INSL6: variants seen among roughly 807,000 people sequenced by gnomAD.
The protein encoded by INSL6 is insulin-like peptide INSL6.
INSL6 carries 16 observed loss-of-function variants against 9.4 expected under a neutral mutation model. The ratio of observed to expected loss-of-function variants is 1.70; its 90% confidence interval spans 1.15 to 2.59. The LOEUF (loss-of-function observed/expected upper bound fraction) is 2.59. INSL6 is among the 30% of genes most tolerant of loss of function. INSL6 has a pLI of 0.00. For synonymous variants in INSL6, 154 were observed against 96.9 expected, an observed-to-expected ratio of 1.59 and a Z score of -3.46; for missense variants, 391 against 257.3, an observed-to-expected ratio of 1.52 and a Z score of -3.56.
At chr9:5,090,988 C>A in the INSL6 span, 1 of 1,083,888 alleles carries the variant, frequency 9.2e-7, no homozygotes, top group Non-Finnish European at 1.3e-6. Context: ...TAATAGTTTG[C>A]CATTTCTATA....
chr9:5,162,298 T>G (rs1249166473), downstream of INSL6, among the ~76,000 whole-genome samples: 1 of 152,160 alleles, frequency 6.6e-6, no homozygotes, highest in Non-Finnish European at 1.5e-5. Flanking sequence ...ACCACATCAT[T>G]AGTGCAATTT....
At chr9:5,127,130 A>G (rs1824049881) in intron 3 of INSL6, 4 of 268,402 alleles carry the variant, frequency 1.5e-5, no homozygotes, top group African/African-American at 4.4e-5. Flanking sequence ...AAATTTTGCA[A>G]TGTTAAAGAT....
downstream of INSL6, among the ~76,000 whole-genome samples, chr9:5,159,843 A>C (rs926963628): frequency 2.0e-5 from 3 of 152,178 alleles, no homozygotes; most frequent in Admixed American, 2.0e-4. Context: ...TACAGAATAC[A>C]TTTCTCTCCT....
At chr9:5,024,450 C>T in the INSL6 span, among the ~76,000 whole-genome samples, 416 of 152,134 alleles carry the variant, frequency 2.7e-3, 1 homozygote, top group Admixed American at 4.8e-3. Context: ...TTACCCAGTC[C>T]ATTTACAACT....
the INSL6 span, chr9:5,108,784 C>G: frequency 6.6e-6 from 1 of 152,124 alleles, no homozygotes; most frequent in Non-Finnish European, 1.5e-5. Context: ...ATTGCCTACT[C>G]CTCTGTAAGC....
the INSL6 span, chr9:5,050,763 A>C: frequency 1.2e-6 from 2 of 1,613,084 alleles, no homozygotes; most frequent in Non-Finnish European, 1.7e-6. Flanking sequence ...TTGGGATGGC[A>C]GTGTTAGATA....
the INSL6 span, chr9:5,111,522 C>T: frequency 8.1e-6 from 3 of 368,100 alleles, no homozygotes; most frequent in Non-Finnish European, 1.6e-5. Context: ...TCCGCCAAGA[C>T]GCCCAGCAGC....
At chr9:4,995,753 C>G in the INSL6 span, among the ~76,000 whole-genome samples, 1 of 152,126 alleles carries the variant, frequency 6.6e-6, no homozygotes, top group African/African-American at 2.4e-5. Flanking sequence ...AGAAGCAGAT[C>G]TTTTTGCCAA....
the INSL6 span, chr9:5,099,216 A>G: frequency 6.6e-6 from 1 of 152,214 alleles, no homozygotes; most frequent in Admixed American, 6.5e-5. Flanking sequence ...CTGGGCGACC[A>G]GGTCTTTACT....
chr9:5,038,997 G>A, the INSL6 span, among the ~76,000 whole-genome samples: 2 of 152,124 alleles, frequency 1.3e-5, no homozygotes, highest in African/African-American at 4.8e-5. Flanking sequence ...GGAATGGCAA[G>A]GAACTTCCTC....
At chr9:5,014,185 G>A in the INSL6 span, among the ~76,000 whole-genome samples, 5 of 97,566 alleles carry the variant, frequency 5.1e-5, no homozygotes, top group South Asian at 3.1e-4. Context: ...TTTTTTTTTC[G>A]TAGAGACAGG....
At chr9:5,076,951 A>G in the INSL6 span, among the ~76,000 whole-genome samples, 1 of 151,916 alleles carries the variant, frequency 6.6e-6, no homozygotes, top group Non-Finnish European at 1.5e-5. Flanking sequence ...TTTTTAAAAA[A>G]GTTTTAAAGA....
the INSL6 span, chr9:5,112,036 T>C: frequency 7.4e-6 from 3 of 405,970 alleles, no homozygotes; most frequent in African/African-American, 4.2e-5. Flanking sequence ...CCTGGTGCCT[T>C]ATCACCCAGC....
At chr9:5,041,312 C>T in the INSL6 span, 8 of 789,656 alleles carry the variant, frequency 1.0e-5, no homozygotes, top group Non-Finnish European at 1.7e-5. Context: ...GAAGCACATC[C>T]CGTGCAGCCA....
Position 5,170,990 on chromosome 9 carries a change from T to C in INSL6, c.290-6725A>G, listed in dbSNP as rs1258378488. On this transcript the variant is annotated intron_variant, in intron 1 of 1. Coordinates refer to ENST00000381641, the MANE Select transcript of INSL6 (RefSeq NM_007179.3). ...AGGAACTCCTCCCTAACTCATTCTA[T>C]GAGGCCAGCATCATCCTGATACCAA... Among the ~76,000 whole-genome samples, 4 of 152,134 alleles carry C rather than the reference T, an allele frequency of 2.6e-5. No homozygotes were observed. The East Asian group carries it at 7.7e-4, about 29-fold the overall frequency.
the INSL6 span, among the ~76,000 whole-genome samples, chr9:5,103,567 G>A: frequency 6.6e-6 from 1 of 152,094 alleles, no homozygotes; most frequent in Non-Finnish European, 1.5e-5. Context: ...TGCACCATGT[G>A]AACCTAATAG....
intron 3 of INSL6, chr9:5,126,830 A>C: frequency 1.6e-6 from 2 of 1,283,844 alleles, no homozygotes; most frequent in Non-Finnish European, 2.2e-6. Context: ...GTAGATTTAC[A>C]GAACAAAGTT....
the INSL6 span, chr9:5,078,155 C>T: frequency 1.8e-6 from 1 of 560,988 alleles, no homozygotes; most frequent in Non-Finnish European, 3.1e-6. Flanking sequence ...GCATAGGAGT[C>T]ATAAATTTCC....
At chr9:5,149,823 A>G (rs1442340769) in intron 2 of INSL6, among the ~76,000 whole-genome samples, 1 of 152,234 alleles carries the variant, frequency 6.6e-6, no homozygotes, top group African/African-American at 2.4e-5. Context: ...AGCTGGAGGT[A>G]TCACATTATG....
Sources: gnomAD v4.1 joint callset for allele counts (sites outside exome capture counted in the v4.1 genomes callset) on GRCh38, gnomAD v4.1.1 for gene constraint, MANE v1.5 for transcripts, NCBI Gene and HGNC (gene_info 2026-07-23, HGNC 2026-07-21) for gene names.